The following DENND11 variants were observed in gnomAD, a reference collection of about 807,000 sequenced individuals.
DENND11 encodes the protein DENN domain containing 11.
DENND11 carries 34 observed loss-of-function variants against 49.2 expected under a neutral mutation model. That is an observed-to-expected ratio of 0.69 (90% CI 0.53 to 0.92). The LOEUF (loss-of-function observed/expected upper bound fraction) is 0.92. DENND11 is among the 40% of genes least tolerant of loss of function. The pLI is 0.00. For missense variants in DENND11, 475 were observed against 581.6 expected (o/e 0.82, Z 1.88); for synonymous variants, 238 against 230.3 (o/e 1.03, Z -0.30).
intron 3 of DENND11, among the ~76,000 whole-genome samples, chr7:141,678,662 T>C (rs1798104501): frequency 6.6e-6 from 1 of 152,230 alleles, no homozygotes; most frequent in African/African-American, 2.4e-5. Flanking sequence ...CATTGATAAG[T>C]GCTTTGTAAG....
chr7:141,682,591 C>T (rs1261577721), intron 3 of DENND11, among the ~76,000 whole-genome samples: 1 of 152,154 alleles, frequency 6.6e-6, no homozygotes, highest in African/African-American at 2.4e-5. Flanking sequence ...GGAAAGAGCA[C>T]CTTACAATAC....
Position 141,665,250 on chromosome 7 carries a change from G to T in DENND11, c.889C>A (p.Pro297Thr). 6.2e-7 allele frequency: 1 copy of T among 1,613,782 alleles called. No homozygotes were observed. Among genetic ancestry groups the T allele is most frequent in the Non-Finnish European group, 8.5e-7 (1 of 1,179,830 alleles). Residue 297 changes from proline to threonine, a missense_variant, in exon 6 of 9, where the codon CCT becomes ACT. Coordinates refer to ENST00000536163, the MANE Select transcript of DENND11 (RefSeq NM_001080392.2). The stretch of plus-strand genomic sequence containing the variant: ...TCAGCCACGTTCACGTAGAAGAAAG[G>T]TTTGGACTCAGGAATGGTGCCCCCG... ...GIGGTIPESK[P>T]FFYVNVADIE... is the part of the protein sequence containing the mutation.
intron 3 of DENND11, among the ~76,000 whole-genome samples, chr7:141,682,088 G>T (rs1337681400): frequency 6.6e-6 from 1 of 152,058 alleles, no homozygotes; most frequent in Non-Finnish European, 1.5e-5. Flanking sequence ...ATTGCATTTG[G>T]GAGGTAGGGA....
chr7:141,662,391 A>G lies in DENND11; in HGVS notation c.*265T>C, dbSNP rs1797812712. ...GCCTACTCCTAGTGATACAACTCCC[A>G]TGACCAAGCCCAGAGGACCAGCAGC... On this transcript the variant is annotated 3_prime_UTR_variant, in exon 9 of 9. Coordinates refer to ENST00000536163, the MANE Select transcript of DENND11 (RefSeq NM_001080392.2). 3 of 390,692 alleles carry G rather than the reference A, an allele frequency of 7.7e-6. No homozygotes were observed. Among genetic ancestry groups the G allele is most frequent in the Non-Finnish European group, 1.4e-5 (3 of 221,554 alleles). 24.2% of individuals were successfully genotyped at this position (390,692 alleles called of 1,614,324 possible).
At chr7:141,667,151 C>A (rs529145837) in intron 4 of DENND11, among the ~76,000 whole-genome samples, 3 of 152,196 alleles carry the variant, frequency 2.0e-5, no homozygotes, top group Non-Finnish European at 4.4e-5. Flanking sequence ...GAACTCCTGA[C>A]CTCAACTGAT....
At position 141,657,228 on chromosome 7, in the gene DENND11, TCAA is replaced by T. The variant is rs1797709629; in HGVS notation, c.*5425_*5427del. 5 of 152,632 alleles carry T rather than the reference TCAA, an allele frequency of 3.3e-5. No homozygotes were observed. Among genetic ancestry groups the T allele is most frequent in the Middle Eastern group, 3.4e-3 (1 of 294 alleles). 9.5% of individuals were successfully genotyped at this position (152,632 alleles called of 1,614,324 possible). ...TTCCCGGACCTATACAAAAATTCAGTCAACAAGTTTTGGGTAAATAAAGGAAAT... is the reference window on the plus strand; with the variant it reads ...TTCCCGGACCTATACAAAAATTCAGTCAAGTTTTGGGTAAATAAAGGAAAT... On this transcript the variant is annotated 3_prime_UTR_variant, in exon 9 of 9. Coordinates refer to ENST00000536163, the MANE Select transcript of DENND11 (RefSeq NM_001080392.2).
chr7:141,691,292 G>A (rs1322413085), intron 1 of DENND11, among the ~76,000 whole-genome samples: 1 of 152,202 alleles, frequency 6.6e-6, no homozygotes, highest in Non-Finnish European at 1.5e-5. Flanking sequence ...CGTGGGTCTA[G>A]GTCCCTGGAT....
At chr7:141,701,740 CCAAGCCCG>C (rs1478364818) in intron 1 of DENND11, 138 bp downstream of exon 1, 7 of 668,408 alleles carry the variant, frequency 1.0e-5, no homozygotes, top group Non-Finnish European at 1.2e-5. Flanking sequence ...CCGCCCTTCC[CCAAGCCCG>C]GGAGCCCGGG....
intron 4 of DENND11, among the ~76,000 whole-genome samples, chr7:141,671,472 T>C (rs544110533): frequency 6.6e-6 from 1 of 152,346 alleles, no homozygotes; most frequent in South Asian, 2.1e-4. Flanking sequence ...CCACCATGCC[T>C]GGCCGTTTTT....
rs1390186956 is a variant in DENND11 at position 141,660,189 on chromosome 7, G to A, written c.*2467C>T. On this transcript the variant is annotated 3_prime_UTR_variant, in exon 9 of 9. Transcript: ENST00000536163. Reference sequence around the variant, plus strand: ...GCACACGCTGTTCAGCCAAGCAGAGGCTCTGCACAAGATTTCTGGTCCTAT... The same window carrying A: ...GCACACGCTGTTCAGCCAAGCAGAGACTCTGCACAAGATTTCTGGTCCTAT... 1 of 152,280 alleles carries A rather than the reference G, an allele frequency of 6.6e-6. No homozygotes were observed. Among genetic ancestry groups the A allele is most frequent in the Non-Finnish European group, 1.5e-5 (1 of 68,118 alleles). 9.4% of individuals were successfully genotyped at this position (152,280 alleles called of 1,614,324 possible).
chr7:141,665,811 G>A lies in DENND11; in HGVS notation c.820+476C>T, dbSNP rs143881345. Among the ~76,000 whole-genome samples, 1,070 of 151,918 alleles carry A rather than the reference G, an allele frequency of 7.0e-3. 19 individuals carry two copies. Among genetic ancestry groups the A allele is most frequent in the African/African-American group, 0.025 (1,029 of 41,388 alleles). On this transcript the variant is annotated intron_variant, in intron 5 of 8. Transcript: ENST00000536163. The stretch of plus-strand genomic sequence containing the variant: ...TCCAGCTCAAACGCCCACAGGTCCC[G>A]ACCCAGCTAGGCAGGGTGGGCAGAC...
Position 141,664,995 on chromosome 7 carries a change from G to C in DENND11, c.1012C>G (p.Gln338Glu). 1.9e-6 allele frequency: 3 copies of C among 1,613,892 alleles called. No individual in the cohort carries two copies. Among genetic ancestry groups the C allele is most frequent in the Middle Eastern group, 1.6e-4 (1 of 6,062 alleles). ...TGGTCGTGGTGTGTCTTCACATTCT[G>C]GTTATCCACGTAGACGTCATACAGC... ...RELYDVYVDN[Q>E]NVKTHHDHLQ... Residue 338 changes from glutamine to glutamate, a missense_variant, in exon 7 of 9, where the codon CAG becomes GAG. By Grantham distance (29) the Gln-to-Glu change is conservative. Coordinates refer to ENST00000536163, the MANE Select transcript of DENND11 (RefSeq NM_001080392.2).
At position 141,670,618 on chromosome 7, in the gene DENND11, C is replaced by T. The variant is rs377519345; in HGVS notation, c.681+3449G>A. 4.6e-5 allele frequency among the ~76,000 whole-genome samples: 7 copies of T among 152,318 alleles called. No homozygotes were observed. In the East Asian group the frequency reaches 1.4e-3, roughly 29 times the overall value. Reference sequence around the variant, plus strand: ...ATGGGTTTATTAGGATGTAGCCCCACGTTAAGTCAAGAAGCTCCTTAAGAC... The same window carrying T: ...ATGGGTTTATTAGGATGTAGCCCCATGTTAAGTCAAGAAGCTCCTTAAGAC... On this transcript the variant is annotated intron_variant, in intron 4 of 8. Coordinates refer to ENST00000536163, the MANE Select transcript of DENND11 (RefSeq NM_001080392.2).
intron 3 of DENND11, among the ~76,000 whole-genome samples, chr7:141,678,183 G>A (rs1334540570): frequency 2.6e-5 from 4 of 152,212 alleles, no homozygotes; most frequent in East Asian, 3.9e-4. Flanking sequence ...GGCTGGTCTC[G>A]AACTCCTGAG....
intron 1 of DENND11, 139 bp downstream of exon 1, chr7:141,701,747 C>G (rs1037354608): frequency 2.8e-6 from 2 of 713,072 alleles, no homozygotes; most frequent in Non-Finnish European, 3.7e-6. Flanking sequence ...TCCCCAAGCC[C>G]GGGAGCCCGG....
intron 3 of DENND11, among the ~76,000 whole-genome samples, chr7:141,677,501 G>GTATATA (rs1221114182): frequency 1.5e-5 from 2 of 130,370 alleles, no homozygotes; most frequent in East Asian, 4.8e-4. Context: ...GTGTGTGTGT[G>GTATATA]TGTATATATA....
chr7:141,666,876 G>A (rs1300970742), intron 4 of DENND11, among the ~76,000 whole-genome samples: 1 of 152,120 alleles, frequency 6.6e-6, no homozygotes, highest in African/African-American at 2.4e-5. Flanking sequence ...GTCACAGGTA[G>A]GAAGGAGCCC....
chr7:141,683,192 C>A lies in DENND11; in HGVS notation c.527+2286G>T, dbSNP rs552670278. ...GAAGACAATGGGAGAAAAACATATGCATCATGGGTATTCCTGGAGAAGAAA... is the reference window on the plus strand; with the variant it reads ...GAAGACAATGGGAGAAAAACATATGAATCATGGGTATTCCTGGAGAAGAAA... On this transcript the variant is annotated intron_variant, in intron 3 of 8. Coordinates refer to ENST00000536163, the MANE Select transcript of DENND11 (RefSeq NM_001080392.2). 2.0e-5 allele frequency among the ~76,000 whole-genome samples: 3 copies of A among 152,036 alleles called. No individual in the cohort carries two copies. The East Asian group carries it at 5.8e-4, about 29-fold the overall frequency.
At chr7:141,685,058 ATT>A (rs1248312396) in intron 3 of DENND11, among the ~76,000 whole-genome samples, 1 of 128,882 alleles carries the variant, frequency 7.8e-6, no homozygotes, top group Non-Finnish European at 1.6e-5. Context: ...ATATATATAT[ATT>A]TTTAAGTTCT....
Sources: allele counts gnomAD v4.1 joint callset (sites outside exome capture counted in the v4.1 genomes callset), GRCh38; gene constraint gnomAD v4.1.1; transcripts MANE v1.5; gene names NCBI Gene and HGNC (gene_info 2026-07-23, HGNC 2026-07-21).